LRRK2: variants seen among roughly 807,000 people sequenced by gnomAD.
LRRK2 encodes leucine rich repeat kinase 2, also known as leucine-rich repeat serine/threonine-protein kinase 2.
In LRRK2, 203 loss-of-function variants were observed where a neutral mutation model predicts 302.6. That is an observed-to-expected ratio of 0.67 (90% CI 0.60 to 0.75). LRRK2 has a LOEUF of 0.75. Among genes scored for constraint, LRRK2 ranks in the 30% least tolerant of loss-of-function variants. The probability of loss-of-function intolerance (pLI) is 0.00; values close to 1 mark genes in which losing one functional copy is unlikely to be tolerated. For missense variants in LRRK2, 2,830 were observed against 2,951.0 expected, an observed-to-expected ratio of 0.96 and a Z score of 0.95; for synonymous variants, 1,066 against 1,031.9, an observed-to-expected ratio of 1.03 and a Z score of -0.63.
intron 3 of LRRK2, 121 bp downstream of exon 3, chr12:40,232,504 A>C (rs1272156075): frequency 1.3e-6 from 1 of 761,856 alleles, no homozygotes; most frequent in Non-Finnish European, 2.3e-6. Context: ...TTTAAAATAC[A>C]GATATTTTTC....
At chr12:40,344,302 A>C (rs531718751) in intron 41 of LRRK2, among the ~76,000 whole-genome samples, 15 of 152,336 alleles carry the variant, frequency 9.8e-5, no homozygotes, top group African/African-American at 3.6e-4. Context: ...ACATTTAAAT[A>C]GTTTTTGAAT....
chr12:40,300,913 G>A (rs1241097369), intron 25 of LRRK2: 1 of 470,962 alleles, frequency 2.1e-6, no homozygotes, highest in Non-Finnish European at 4.4e-6. Flanking sequence ...CTGGAAAGAG[G>A]AGCATCCAAA....
chr12:40,348,642 C>A (rs779804211), intron 43 of LRRK2, 133 bp downstream of exon 43: 171 of 677,902 alleles, frequency 2.5e-4, no homozygotes, highest in Non-Finnish European at 3.6e-4. Flanking sequence ...ATAAGGCAAA[C>A]CTCCTATAAT....
In LRRK2 at chr12:40,363,400, A is replaced by G; in HGVS notation, c.7029-2A>G. On this transcript the variant is annotated splice_acceptor_variant, in intron 47 of 50. Coordinates refer to ENST00000298910, the MANE Select transcript of LRRK2 (RefSeq NM_198578.4). LOFTEE classifies it high-confidence loss of function. ...TGACTTTCTATTTTTTTTTCTCTGT[A>G]GGTTTTCTTATGCAGCTTTCAGTGA... The G allele has an allele frequency of 6.2e-7, 1 of 1,610,522 alleles. No homozygotes were observed. Among genetic ancestry groups the G allele is most frequent in the Non-Finnish European group, 8.5e-7 (1 of 1,177,918 alleles).
At chr12:40,238,205 C>G in intron 5 of LRRK2, 102 bp downstream of exon 5, 1 of 1,221,256 alleles carries the variant, frequency 8.2e-7, no homozygotes, top group Non-Finnish European at 1.1e-6. Context: ...TTCTAAAATC[C>G]TACTATTTAT....
chr12:40,363,438 A>G lies in LRRK2; in HGVS notation c.7065A>G (p.Ile2355Met), dbSNP rs1432579012. ...CAGCTTTCAGTGATTCCAACATCAT[A>G]ACAGTGGTGGTAGACACTGCTCTCT... The part of the protein sequence containing the change: ...SYAAFSDSNI[I>M]TVVVDTALYI... Residue 2355 changes from isoleucine to methionine, a missense_variant, in exon 48 of 51, where the codon ATA becomes ATG. Transcript: ENST00000298910. 3 of 1,611,982 alleles carry G rather than the reference A, an allele frequency of 1.9e-6. No homozygotes were observed.
chr12:40,283,227 A>C (rs10784486), intron 18 of LRRK2, among the ~76,000 whole-genome samples: 106,938 of 151,994 alleles, frequency 0.7, 37,802 homozygotes, highest in African/African-American at 0.75. Context: ...CTTCTCCTGG[A>C]TTGCTGAGTT....
chr12:40,226,165 A>G (rs1162466734), intron 2 of LRRK2, among the ~76,000 whole-genome samples: 8 of 152,206 alleles, frequency 5.3e-5, no homozygotes, highest in Admixed American at 1.3e-4. Flanking sequence ...GTGATGTCTT[A>G]TGAGACCCTC....
chr12:40,294,696 A>G, intron 21 of LRRK2, 149 bp from the exon 22 acceptor site: 3 of 498,240 alleles, frequency 6.0e-6, no homozygotes, highest in South Asian at 4.7e-5. Flanking sequence ...TTTTATCCTC[A>G]TAATTGGGTT....
chr12:40,295,409 G>A lies in LRRK2; in HGVS notation c.2879-18G>A. ...TTATTTGCTTATATTTCCATTGTTT[G>A]TTTGTTTTTGACAAAAGGGTCATCA... On this transcript the variant is annotated intron_variant, in intron 22 of 50. Coordinates refer to ENST00000298910, the MANE Select transcript of LRRK2 (RefSeq NM_198578.4). 1 of 1,603,508 alleles carries A rather than the reference G, an allele frequency of 6.2e-7. No individual in the cohort carries two copies. Among genetic ancestry groups the A allele is most frequent in the Non-Finnish European group, 8.5e-7 (1 of 1,174,558 alleles).
Position 40,232,613 on chromosome 12 carries a change from T to C in LRRK2, c.347+230T>C, listed in dbSNP as rs914659753. The C allele has an allele frequency of 1.3e-5, 5 of 386,262 alleles. No homozygotes were observed. In the South Asian group the frequency reaches 2.0e-4, roughly 16 times the overall value. The allele number at this position is 386,262 out of a possible 1,614,324, so 23.9% of individuals were successfully genotyped here. ...AACATGTCAGAAGTTATTATTTTAA[T>C]AATATAATCATATAATTATAAAACT... On this transcript the variant is annotated intron_variant, in intron 3 of 50. Transcript: ENST00000298910.
chr12:40,326,240 G>A (rs1219093103), intron 38 of LRRK2, among the ~76,000 whole-genome samples: 1 of 151,992 alleles, frequency 6.6e-6, no homozygotes, highest in Non-Finnish European at 1.5e-5. Context: ...CGAGATGGGC[G>A]GATCATGAGG....
intron 20 of LRRK2, among the ~76,000 whole-genome samples, chr12:40,289,418 A>G (rs1944056438): frequency 6.6e-6 from 1 of 151,154 alleles, no homozygotes; most frequent in Non-Finnish European, 1.5e-5. Context: ...ATTTTTAATC[A>G]ACTAACTTTA....
chr12:40,226,347 T>C (rs1940882886), intron 2 of LRRK2, among the ~76,000 whole-genome samples: 1 of 152,240 alleles, frequency 6.6e-6, no homozygotes, highest in African/African-American at 2.4e-5. Context: ...GCCAAGGTGA[T>C]AACTTCCTTC....
intron 46 of LRRK2, 78 bp downstream of exon 46, chr12:40,356,265 G>A (rs947751934): frequency 2.0e-6 from 2 of 977,884 alleles, no homozygotes; most frequent in Non-Finnish European, 3.1e-6. Context: ...CCTCTTATGG[G>A]ATTATAAACT....
At position 40,240,526 on chromosome 12, in the gene LRRK2, TATG is replaced by T; in HGVS notation, c.618_620del (p.Met206del). ...CTGAATTTGTTGAGAACAAAGATTA[TATG>T]ATATTGTTAAGTGCGTTAACAAATT... On this transcript the variant is annotated inframe_deletion, in exon 6 of 51. Coordinates refer to ENST00000298910, the MANE Select transcript of LRRK2 (RefSeq NM_198578.4). 1 of 1,613,244 alleles carries T rather than the reference TATG, an allele frequency of 6.2e-7. No individual in the cohort carries two copies. Among genetic ancestry groups the T allele is most frequent in the Non-Finnish European group, 8.5e-7 (1 of 1,179,480 alleles).
chr12:40,268,586 A>G lies in LRRK2; in HGVS notation c.1656+4685A>G, dbSNP rs117516151. ...AATTTTTAAAAATGAAAATTGATCT[A>G]TGTTTATGAACCATTAGTAAAAATA... On this transcript the variant is annotated intron_variant, in intron 14 of 50. Coordinates refer to ENST00000298910, the MANE Select transcript of LRRK2 (RefSeq NM_198578.4). Among the ~76,000 whole-genome samples, 601 of 152,256 alleles carry G rather than the reference A, an allele frequency of 3.9e-3. 1 individual carries two copies. The highest frequency in any genetic ancestry group is 7.1e-3 in the Non-Finnish European group (485 of 67,998).
chr12:40,304,998 C>G (rs997739506), intron 27 of LRRK2: 1 of 152,092 alleles, frequency 6.6e-6, no homozygotes, highest in Non-Finnish European at 1.5e-5. Flanking sequence ...GGCCTGTATA[C>G]TGTATTACTT....
At chr12:40,302,076 G>C (rs966907943) in intron 25 of LRRK2, among the ~76,000 whole-genome samples, 1 of 152,266 alleles carries the variant, frequency 6.6e-6, no homozygotes, top group East Asian at 1.9e-4. Flanking sequence ...TACTCAGGAG[G>C]CTGAGGCAGG....
Sources: allele counts gnomAD v4.1 joint callset (sites outside exome capture counted in the v4.1 genomes callset), GRCh38; gene constraint gnomAD v4.1.1; transcripts MANE v1.5; gene names NCBI Gene and HGNC (gene_info 2026-07-23, HGNC 2026-07-21).